Variants in RUFY2 observed in about 807,000 individuals in gnomAD.
RUFY2 encodes RUN and FYVE domain-containing protein 2.
Under a neutral mutation model 94.4 loss-of-function variants are expected in RUFY2, and 49 were observed. That is an observed-to-expected ratio of 0.52 (90% CI 0.41 to 0.66). The LOEUF (loss-of-function observed/expected upper bound fraction) is 0.66. Among genes scored for constraint, RUFY2 ranks in the 30% least tolerant of loss-of-function variants. The pLI, the probability that RUFY2 is intolerant of heterozygous loss-of-function variation, is 0.00. For missense variants in RUFY2, 541 were observed against 692.8 expected (o/e 0.78, Z 2.46); for synonymous variants, 255 against 235.7 (o/e 1.08, Z -0.75).
chr10:68,403,938 A>G (rs146454175), intron 2 of RUFY2, among the ~76,000 whole-genome samples: 87 of 152,110 alleles, frequency 5.7e-4, no homozygotes, highest in Non-Finnish European at 8.8e-4. Flanking sequence ...GACCACAGGC[A>G]TATGCTGGGA....
rs58252520 is a variant in RUFY2 at position 68,366,870 on chromosome 10, AAT to A, written c.1326-2759_1326-2758del. Among the ~76,000 whole-genome samples the A allele has an allele frequency of 8.3e-3, 1,127 of 136,568 alleles. 21 individuals are homozygous for A. The highest frequency in any genetic ancestry group is 0.028 in the African/African-American group (1,039 of 36,758). The allele number at this position is 136,568 out of a possible 152,430, so 89.6% of individuals were successfully genotyped here. ...TATAAATAAATAAATATATTAAATA[AAT>A]ATATATATATATAAATATATATATT... On this transcript the variant is annotated intron_variant, in intron 13 of 17. Transcript: ENST00000602465.
chr10:68,387,107 G>C (rs965583033), intron 7 of RUFY2, among the ~76,000 whole-genome samples: 3 of 151,756 alleles, frequency 2.0e-5, no homozygotes, highest in Admixed American at 2.0e-4. Flanking sequence ...CTGTAATCCC[G>C]GCACTTTGGG....
intron 1 of RUFY2, 139 bp downstream of exon 1, chr10:68,407,047 C>T (rs911095160): frequency 2.7e-6 from 4 of 1,472,226 alleles, no homozygotes; most frequent in Non-Finnish European, 3.6e-6. Flanking sequence ...CCCAGGCAGT[C>T]CCCGCCCATC....
rs937753719 is a variant in RUFY2 at position 68,345,589 on chromosome 10, A to G, written c.*179T>C. 1.9e-5 allele frequency: 10 copies of G among 531,026 alleles called. No homozygotes were observed. Among genetic ancestry groups the G allele is most frequent in the Admixed American group, 3.7e-5 (1 of 26,762 alleles). 32.9% of individuals were successfully genotyped at this position (531,026 alleles called of 1,614,324 possible). ...ATGCTCTGTTGAAAATACATTTTGA[A>G]AAACAATGGGGAAGGAAATATATAA... On this transcript the variant is annotated 3_prime_UTR_variant, in exon 18 of 18. Coordinates refer to ENST00000602465, the MANE Select transcript of RUFY2 (RefSeq NM_001330103.2).
At position 68,376,440 on chromosome 10, in the gene RUFY2, GTGTATATATATATATATATATA is replaced by G. The variant is rs1308762746; in HGVS notation, c.1325+391_1325+412del. Among the ~76,000 whole-genome samples the G allele has an allele frequency of 1.6e-3, 75 of 48,266 alleles. 2 individuals carry two copies. Among genetic ancestry groups the G allele is most frequent in the Admixed American group, 3.9e-3 (11 of 2,816 alleles). 31.7% of individuals were successfully genotyped at this position (48,266 alleles called of 152,430 possible). ...GTGAAACTTCATCTCAAAAAAATGT[GTGTATATATATATATATATATA>G]TATATATATATATATATATATATAT... On this transcript the variant is annotated intron_variant, in intron 13 of 17. Transcript: ENST00000602465.
chr10:68,358,363 C>T (rs1054406344), intron 15 of RUFY2, among the ~76,000 whole-genome samples: 2 of 152,066 alleles, frequency 1.3e-5, no homozygotes, highest in Non-Finnish European at 2.9e-5. Context: ...CTCTTCATTC[C>T]AAGACATAAA....
chr10:68,368,181 C>A (rs1305470814), intron 13 of RUFY2, among the ~76,000 whole-genome samples: 1 of 150,508 alleles, frequency 6.6e-6, no homozygotes, highest in Non-Finnish European at 1.5e-5. Context: ...GTTGGTCAGG[C>A]TGGTCTCGAA....
At position 68,345,608 on chromosome 10, in the gene RUFY2, T is replaced by G; in HGVS notation, c.*160A>C. The G allele has an allele frequency of 1.7e-6, 1 of 579,088 alleles. No individual in the cohort carries two copies. The highest frequency in any genetic ancestry group is 2.8e-5 in the South Asian group (1 of 35,868). 35.9% of individuals were successfully genotyped at this position (579,088 alleles called of 1,614,324 possible). Reference sequence around the variant, plus strand: ...TTTTGAAAAACAATGGGGAAGGAAATATATAACTTGTAATTTCCATGAGCT... The same window carrying G: ...TTTTGAAAAACAATGGGGAAGGAAAGATATAACTTGTAATTTCCATGAGCT... On this transcript the variant is annotated 3_prime_UTR_variant, in exon 18 of 18. Transcript: ENST00000602465.
chr10:68,373,307 T>C (rs896087114), intron 13 of RUFY2, among the ~76,000 whole-genome samples: 1 of 152,194 alleles, frequency 6.6e-6, no homozygotes, highest in African/African-American at 2.4e-5. Flanking sequence ...ATAATGTTCA[T>C]GTAACTTATG....
At chr10:68,403,089 G>A (rs191875023) in intron 2 of RUFY2, among the ~76,000 whole-genome samples, 227 of 149,662 alleles carry the variant, frequency 1.5e-3, no homozygotes, top group African/African-American at 5.2e-3. Context: ...CAAGTGATCC[G>A]TCAGTCTCAG....
intron 12 of RUFY2, 89 bp downstream of exon 12, chr10:68,379,335 C>T: frequency 2.0e-6 from 2 of 983,218 alleles, no homozygotes; most frequent in South Asian, 3.3e-5. Context: ...CTATGTCTTC[C>T]TAATGGTTTT....
At chr10:68,363,019 T>G (rs1321955887) in intron 15 of RUFY2, among the ~76,000 whole-genome samples, 1 of 152,222 alleles carries the variant, frequency 6.6e-6, no homozygotes, top group Non-Finnish European at 1.5e-5. Flanking sequence ...AAAAATATAT[T>G]AATAACTTCT....
intron 13 of RUFY2, among the ~76,000 whole-genome samples, chr10:68,369,413 A>C (rs2048091199): frequency 6.6e-6 from 1 of 150,704 alleles, no homozygotes; most frequent in African/African-American, 2.4e-5. Flanking sequence ...TGAACTGGGG[A>C]GGTCAAGGCT....
intron 1 of RUFY2, among the ~76,000 whole-genome samples, chr10:68,405,056 T>A (rs913704697): frequency 1.3e-5 from 2 of 152,166 alleles, no homozygotes; most frequent in Non-Finnish European, 2.9e-5. Flanking sequence ...GGCTCACGCC[T>A]GTAATCCCAG....
rs1206376722 is a variant in RUFY2, at chr10:68,348,543, G to A, written c.1600-2459C>T. On this transcript the variant is annotated intron_variant, in intron 16 of 17. Transcript: ENST00000602465. ...AGGGGAAAAAAAAAAAAAGGCAGCA[G>A]CAGGAAGGGACCCTAAAAGATAATC... Among the ~76,000 whole-genome samples, 11 of 149,156 alleles carry A rather than the reference G, an allele frequency of 7.4e-5. No homozygotes were observed. The Admixed American group carries it at 7.4e-4, about 10-fold the overall frequency.
In RUFY2 at chr10:68,383,874, TTA is replaced by T; in HGVS notation, c.861_862del (p.Tyr287Ter). The T allele has an allele frequency of 6.2e-7, 1 of 1,613,942 alleles. No homozygotes were observed. Among genetic ancestry groups the T allele is most frequent in the Non-Finnish European group, 8.5e-7 (1 of 1,179,982 alleles). On this transcript the variant is annotated stop_gained and frameshift_variant, in exon 10 of 18. Transcript: ENST00000602465. LOFTEE classifies it high-confidence loss of function. ...TTCATCTAGCCCCTGACGAGAATGC[TTA>T]TATGTTTGAAGCTCAGTTTCCACAT... is the stretch of plus-strand genomic sequence containing the variant.
intron 11 of RUFY2, among the ~76,000 whole-genome samples, chr10:68,379,781 A>C (rs996898976): frequency 1.6e-4 from 24 of 151,878 alleles, no homozygotes; most frequent in African/African-American, 5.8e-4. Flanking sequence ...ACATTAAAAT[A>C]ATTGTGTGAT....
intron 13 of RUFY2, among the ~76,000 whole-genome samples, chr10:68,365,476 C>G (rs887251235): frequency 6.7e-6 from 1 of 150,188 alleles, no homozygotes; most frequent in Non-Finnish European, 1.5e-5. Flanking sequence ...TTGGGTGCAT[C>G]CTGTGACGGA....
At chr10:68,385,175 A>G (rs1471810882) in intron 8 of RUFY2, among the ~76,000 whole-genome samples, 1 of 152,062 alleles carries the variant, frequency 6.6e-6, no homozygotes, top group African/African-American at 2.4e-5. Flanking sequence ...GAGGCAGGAG[A>G]ATCGCTTGCA....
Sources: gnomAD v4.1 joint callset for allele counts (sites outside exome capture counted in the v4.1 genomes callset) on GRCh38, gnomAD v4.1.1 for gene constraint, MANE v1.5 for transcripts, NCBI Gene and HGNC (gene_info 2026-07-23, HGNC 2026-07-21) for gene names.